Variants in PDZD2 observed in about 807,000 individuals in gnomAD.
The protein encoded by PDZD2 is PDZ domain-containing protein 2.
A neutral mutation model predicts 220.7 loss-of-function variants in PDZD2; 90 were observed. The observed-to-expected ratio is 0.41, with a 90% CI of 0.34 to 0.49. The LOEUF (loss-of-function observed/expected upper bound fraction) is 0.49, where lower values mean the gene tolerates loss of function less well. PDZD2 is among the 20% of genes least tolerant of loss of function. The probability of loss-of-function intolerance (pLI) is 0.28; values close to 1 mark genes in which losing one functional copy is unlikely to be tolerated. For synonymous variants in PDZD2, 1,375 were observed against 1,450.5 expected (o/e 0.95, Z 1.18); for missense variants, 3,174 against 3,608.5 (o/e 0.88, Z 3.08).
chr5:31,709,892 A>G (rs423010), intron 1 of PDZD2, among the ~76,000 whole-genome samples: 115,848 of 152,218 alleles, frequency 0.76, 44,209 homozygotes, highest in East Asian at 0.94. Context: ...GGAGGCAGAG[A>G]TTGCAGTGAG....
chr5:31,703,271 A>G (rs913624478), intron 1 of PDZD2, among the ~76,000 whole-genome samples: 16 of 152,252 alleles, frequency 1.1e-4, no homozygotes, highest in Admixed American at 4.6e-4. Context: ...TGTGGCACAT[A>G]TACACCATAG....
At chr5:32,020,238 C>T (rs540038494) in intron 6 of PDZD2, among the ~76,000 whole-genome samples, 41 of 152,110 alleles carry the variant, frequency 2.7e-4, no homozygotes, top group African/African-American at 9.2e-4. Context: ...CTCCTGACCT[C>T]GTGATCCGCC....
At chr5:31,845,738 T>C (rs963475588) in intron 2 of PDZD2, among the ~76,000 whole-genome samples, 1 of 152,196 alleles carries the variant, frequency 6.6e-6, no homozygotes, top group African/African-American at 2.4e-5. Flanking sequence ...TTGTCCAGTT[T>C]CATTGCCTGT....
At chr5:31,999,413 T>C (rs1163297901) in intron 4 of PDZD2, among the ~76,000 whole-genome samples, 1 of 151,904 alleles carries the variant, frequency 6.6e-6, no homozygotes, top group Non-Finnish European at 1.5e-5. Context: ...CTCAGGAGGC[T>C]GAGGCAGGAG....
intron 24 of PDZD2, among the ~76,000 whole-genome samples, chr5:32,104,157 C>T (rs113059259): frequency 0.031 from 4,745 of 151,864 alleles, 160 homozygotes; most frequent in African/African-American, 0.087. Flanking sequence ...CTTGTAATCC[C>T]GGCACTTTGG....
chr5:31,984,794 C>T (rs1750587501), intron 3 of PDZD2, among the ~76,000 whole-genome samples: 1 of 152,148 alleles, frequency 6.6e-6, no homozygotes, highest in Non-Finnish European at 1.5e-5. Flanking sequence ...TACCACTGCT[C>T]TTCATCCTGG....
At chr5:32,047,817 C>T (rs1321806299) in intron 7 of PDZD2, among the ~76,000 whole-genome samples, 1 of 152,200 alleles carries the variant, frequency 6.6e-6, no homozygotes, top group Non-Finnish European at 1.5e-5. Flanking sequence ...TATTGGCATG[C>T]AATACCGTGG....
Position 32,000,124 on chromosome 5 carries a change from T to C in PDZD2, c.1122-15T>C, listed in dbSNP as rs749989267. The C allele has an allele frequency of 9.3e-6, 15 of 1,613,058 alleles. No individual in the cohort carries two copies. The East Asian group carries it at 3.3e-4, about 36-fold the overall frequency. Reference sequence around the variant, plus strand: ...GTCTTGACAAGGGATCTTTTTCCCATCTCCCTTTCCTCAGGGATGGCAGGC... The same window carrying C: ...GTCTTGACAAGGGATCTTTTTCCCACCTCCCTTTCCTCAGGGATGGCAGGC... On this transcript the variant is annotated splice_polypyrimidine_tract_variant and intron_variant, in intron 4 of 24. Coordinates refer to ENST00000438447, the MANE Select transcript of PDZD2 (RefSeq NM_178140.4). The surrounding 1 kb of genome is among the most constrained non-coding windows in gnomAD (Gnocchi z 4.5).
intron 6 of PDZD2, among the ~76,000 whole-genome samples, chr5:32,011,211 A>C (rs1192838964): frequency 6.6e-6 from 1 of 151,892 alleles, no homozygotes; most frequent in Non-Finnish European, 1.5e-5. Context: ...CAAAAAGGCT[A>C]GGTGCTGTGG....
At chr5:31,759,202 A>G (rs1246560338) in intron 1 of PDZD2, among the ~76,000 whole-genome samples, 1 of 152,006 alleles carries the variant, frequency 6.6e-6, no homozygotes, top group Non-Finnish European at 1.5e-5. Context: ...AACAGCGTGA[A>G]CTAGCTACTG....
intron 1 of PDZD2, chr5:31,725,594 A>G: frequency 2.0e-6 from 3 of 1,497,218 alleles, no homozygotes; most frequent in South Asian, 2.3e-5. Flanking sequence ...GACCTAGACT[A>G]TGATCTTGAC....
At chr5:31,665,638 T>TCCCCTCC (rs1561371544) in intron 1 of PDZD2, among the ~76,000 whole-genome samples, 97 of 75,672 alleles carry the variant, frequency 1.3e-3, no homozygotes, top group Non-Finnish European at 2.0e-3. Context: ...GTTTGGAAGT[T>TCCCCTCC]CCCCCTCCCC....
intron 6 of PDZD2, among the ~76,000 whole-genome samples, chr5:32,022,460 G>A (rs930676283): frequency 6.6e-6 from 1 of 151,602 alleles, no homozygotes; most frequent in Non-Finnish European, 1.5e-5. Context: ...GCCTGCCTCG[G>A]CCTCCCAAAG....
intron 2 of PDZD2, among the ~76,000 whole-genome samples, chr5:31,974,016 C>T (rs1005965364): frequency 3.3e-5 from 5 of 152,286 alleles, no homozygotes; most frequent in South Asian, 2.1e-4. Context: ...AGTCTCACTC[C>T]GTCACCCAGG....
At chr5:31,871,841 T>C (rs1359058991) in intron 2 of PDZD2, among the ~76,000 whole-genome samples, 1 of 151,972 alleles carries the variant, frequency 6.6e-6, no homozygotes, top group Non-Finnish European at 1.5e-5. Context: ...TTGTTTTTGT[T>C]TTGAATCAGA....
At chr5:31,972,762 A>G (rs1349174739) in intron 2 of PDZD2, among the ~76,000 whole-genome samples, 1 of 152,198 alleles carries the variant, frequency 6.6e-6, no homozygotes, top group Non-Finnish European at 1.5e-5. Flanking sequence ...GACTGACTCA[A>G]TCATGTACAG....
chr5:32,006,839 G>A (rs13357049), intron 5 of PDZD2, among the ~76,000 whole-genome samples: 21,774 of 148,770 alleles, frequency 0.15, 4,881 homozygotes, highest in African/African-American at 0.48. Context: ...ATAGGCACGT[G>A]CCACCGCATC....
chr5:31,874,760 T>TAAAAA (rs11390710), intron 2 of PDZD2, among the ~76,000 whole-genome samples: 7 of 139,208 alleles, frequency 5.0e-5, no homozygotes, highest in African/African-American at 1.9e-4. Context: ...GACTCTATCT[T>TAAAAA]AAAAAAAAAA....
chr5:31,686,257 CAAAAATTTCA>C (rs1429793986), intron 1 of PDZD2, among the ~76,000 whole-genome samples: 5 of 151,920 alleles, frequency 3.3e-5, no homozygotes, highest in Non-Finnish European at 7.4e-5. Flanking sequence ...CATTATAATA[CAAAAATTTCA>C]TATTTCTTCA....
Sources: gnomAD v4.1 joint callset for allele counts (sites outside exome capture counted in the v4.1 genomes callset) on GRCh38, gnomAD v4.1.1 for gene constraint, Gnocchi (gnomAD v3.1) non-coding constraint, MANE v1.5 for transcripts, NCBI Gene and HGNC (gene_info 2026-07-23, HGNC 2026-07-21) for gene names.